Variants in ZNF132 observed in about 807,000 individuals in gnomAD.
The protein encoded by ZNF132 is zinc finger protein 132 (clone pHZ-12).
In ZNF132, 6 loss-of-function variants were observed where a neutral mutation model predicts 9.3. That is an observed-to-expected ratio of 0.65 (90% CI 0.35 to 1.28). The LOEUF (loss-of-function observed/expected upper bound fraction) is 1.28, where lower values mean the gene tolerates loss of function less well. ZNF132 is among the 50% of genes most tolerant of loss of function. The pLI is 0.03. For missense variants in ZNF132, 877 were observed against 843.2 expected (o/e 1.04, Z -0.50); for synonymous variants, 296 against 292.0 (o/e 1.01, Z -0.14).
chr19:58,434,574 G>C lies in ZNF132; in HGVS notation c.870C>G (p.Pro290=), dbSNP rs1215888600. 6.2e-7 allele frequency: 1 copy of C among 1,614,064 alleles called. No homozygotes were observed. Among genetic ancestry groups the C allele is most frequent in the Non-Finnish European group, 8.5e-7 (1 of 1,179,962 alleles). Residue 290 remains proline (P), a synonymous_variant, in exon 3 of 3, where the codon CCC becomes CCG. Transcript: ENST00000254166. ...GNKKFHTGEI[P]HVCKECGKAF... is the part of the protein sequence containing the mutation. Reference sequence around the variant, plus strand: ...CCTTCCCACACTCCTTACACACATGGGGTATTTCCCCAGTGTGAAACTTTT... The same window carrying C: ...CCTTCCCACACTCCTTACACACATGCGGTATTTCCCCAGTGTGAAACTTTT...
chr19:58,439,233 C>G (rs1235163037), intron 1 of ZNF132, among the ~76,000 whole-genome samples: 1 of 152,212 alleles, frequency 6.6e-6, no homozygotes, highest in African/African-American at 2.4e-5. Flanking sequence ...CTGTCAGCTC[C>G]TCACTGGCCT....
At chr19:58,438,126 G>C (rs1184098388) in intron 1 of ZNF132, among the ~76,000 whole-genome samples, 1 of 152,178 alleles carries the variant, frequency 6.6e-6, no homozygotes, top group Non-Finnish European at 1.5e-5. Context: ...AATGTAGTGA[G>C]CTGTAGAGAA....
rs147782363 is a variant in ZNF132 at position 58,434,736 on chromosome 19, G to C, written c.708C>G (p.Phe236Leu). ...AGGCTTTTCCACAGTTGCTGCACTCGAAGAGTTTCTGTGTGGTACAGACTT... is the reference window on the plus strand; with the variant it reads ...AGGCTTTTCCACAGTTGCTGCACTCCAAGAGTTTCTGTGTGGTACAGACTT... ...LPEVCTTQKLFECSNCGKAFL... is the reference protein window; with the variant it reads ...LPEVCTTQKLLECSNCGKAFL... Residue 236 changes from phenylalanine to leucine, a missense_variant, in exon 3 of 3, where the codon TTC becomes TTG. Physicochemically the swap from Phe to Leu is conservative, Grantham distance 22. Coordinates refer to ENST00000254166, the MANE Select transcript of ZNF132 (RefSeq NM_003433.4). The C allele has an allele frequency of 1.9e-6, 3 of 1,614,176 alleles. No homozygotes were observed. In the Admixed American group the frequency reaches 5.0e-5, roughly 27 times the overall value.
chr19:58,433,231 T>G lies in ZNF132; in HGVS notation c.*92A>C. 2 of 1,329,878 alleles carry G rather than the reference T, an allele frequency of 1.5e-6. No homozygotes were observed. Among genetic ancestry groups the G allele is most frequent in the Non-Finnish European group, 2.1e-6 (2 of 964,566 alleles). 82.4% of individuals were successfully genotyped at this position (1,329,878 alleles called of 1,614,324 possible). ...AAGGCTTTTCCACATTAGCAGTACA[T>G]GTAGGTAATTTTTCTGGTATGGGGA... On this transcript the variant is annotated 3_prime_UTR_variant, in exon 3 of 3. Transcript: ENST00000254166.
At position 58,433,818 on chromosome 19, in the gene ZNF132, A is replaced by C. The variant is rs142608335; in HGVS notation, c.1626T>G (p.Pro542=). 125 of 1,614,170 alleles carry C rather than the reference A, an allele frequency of 7.7e-5. No homozygotes were observed. In the East Asian group the frequency reaches 2.4e-3, roughly 31 times the overall value. The part of the protein sequence containing the change: ...QHWRIHTGEK[P]YECSECGKAF... ...CTTTCCCACACTCACTACACTCGTA[A>C]GGCTTTTCTCCAGTGTGAATTCTCC... Residue 542 remains proline, a synonymous_variant, in exon 3 of 3, where the codon CCT becomes CCG. Transcript: ENST00000254166.
intron 1 of ZNF132, among the ~76,000 whole-genome samples, chr19:58,437,566 C>G (rs2052780148): frequency 6.6e-6 from 1 of 152,204 alleles, no homozygotes; most frequent in Non-Finnish European, 1.5e-5. Context: ...ATTTGGGCTT[C>G]CCTTTCTTAA....
chr19:58,438,472 ATT>A (rs35691687), intron 1 of ZNF132, among the ~76,000 whole-genome samples: 22 of 129,784 alleles, frequency 1.7e-4, no homozygotes, highest in South Asian at 1.2e-3. Context: ...TCTAAGGTCA[ATT>A]TTTTTTTTTT....
chr19:58,436,396 G>A (rs2122300083), intron 2 of ZNF132: 1 of 154,320 alleles, frequency 6.5e-6, no homozygotes, highest in Non-Finnish European at 1.4e-5. Flanking sequence ...GCTGGGCGTG[G>A]TGGCTCACGC....
In ZNF132 at chr19:58,434,399, A is replaced by G. The variant is rs368159223; in HGVS notation, c.1045T>C (p.Cys349Arg). The G allele has an allele frequency of 3.7e-6, 6 of 1,614,238 alleles. No homozygotes were observed. The East Asian group carries it at 1.3e-4, about 36-fold the overall frequency. ...RIHSGERPYE[C>R]DECGKAFSNR... ...CTGAAGGCTTTCCCACATTCATCAC[A>G]CTCATAAGGTCTTTCTCCTGAGTGA... Residue 349 changes from cysteine to arginine, a missense_variant, in exon 3 of 3, where the codon TGT (cysteine) becomes CGT (arginine). Coordinates refer to ENST00000254166, the MANE Select transcript of ZNF132 (RefSeq NM_003433.4).
intron 2 of ZNF132, 154 bp from the exon 3 acceptor site, chr19:58,435,365 T>A (rs1348532488): frequency 1.2e-6 from 1 of 833,908 alleles, no homozygotes; most frequent in African/African-American, 1.7e-5. Flanking sequence ...GAAGGGCCCA[T>A]TACTATTGGC....
At chr19:58,439,671 C>T in intron 1 of ZNF132, 88 bp downstream of exon 1, 1 of 1,386,496 alleles carries the variant, frequency 7.2e-7, no homozygotes, top group Non-Finnish European at 9.6e-7. Flanking sequence ...TCAAGAGTCC[C>T]AGGACACCAA....
intron 2 of ZNF132, among the ~76,000 whole-genome samples, chr19:58,436,687 A>G (rs1202816578): frequency 6.6e-6 from 1 of 151,202 alleles, no homozygotes; most frequent in Admixed American, 6.6e-5. Flanking sequence ...AAAAAAAAAA[A>G]AAAAAGGAAA....
rs1185268379 is a variant in ZNF132 at position 58,434,021 on chromosome 19, G to A, written c.1423C>T (p.Leu475Phe). The A allele has an allele frequency of 6.2e-7, 1 of 1,613,728 alleles. No homozygotes were observed. ...CCAGTGTGAACTTTCTGATGTCGAA[G>A]GAGATGGGAGCTTTGGCTGAAGTCT... ...GRDFSQSSHLLRHQKVHTGER... is the reference protein window; with the variant it reads ...GRDFSQSSHLFRHQKVHTGER... Residue 475 changes from leucine (L) to phenylalanine (F), a missense_variant, in exon 3 of 3, where the codon CTT becomes TTT. Transcript: ENST00000254166.
rs1233031775 is a variant in ZNF132, at chr19:58,434,251, G to T, written c.1193C>A (p.Thr398Lys). Residue 398 changes from threonine (T) to lysine (K), a missense_variant, in exon 3 of 3, where the codon ACA becomes AAA. By Grantham distance (78) the Thr-to-Lys change is moderately conservative. Coordinates refer to ENST00000254166, the MANE Select transcript of ZNF132 (RefSeq NM_003433.4). ...SNFLRHQKVH[T>K]QVRPYECSQC... ...ACTGCACTCATAAGGTCTTACCTGT[G>T]TGTGAACTTTCTGATGCCGAAGGAA... is the stretch of plus-strand genomic sequence containing the variant. 6 of 1,614,056 alleles carry T rather than the reference G, an allele frequency of 3.7e-6. No individual in the cohort carries two copies. Among genetic ancestry groups the T allele is most frequent in the South Asian group, 1.1e-5 (1 of 91,082 alleles).
chr19:58,434,777 G>A lies in ZNF132; in HGVS notation c.667C>T (p.Leu223Phe), dbSNP rs530739078. 1 of 1,614,132 alleles carries A rather than the reference G, an allele frequency of 6.2e-7. No homozygotes were observed. Among genetic ancestry groups the A allele is most frequent in the Non-Finnish European group, 8.5e-7 (1 of 1,180,052 alleles). ...VDSGQKPYSN[L>F]GQLPEVCTTQ... Reference sequence around the variant, plus strand: ...GTACAGACTTCTGGAAGCTGCCCAAGATTGGAATATGGCTTCTGCCCACTG... The same window carrying A: ...GTACAGACTTCTGGAAGCTGCCCAAAATTGGAATATGGCTTCTGCCCACTG... The change falls in exon 3 of 3, where the codon CTT becomes TTT. Residue 223 changes from leucine to phenylalanine, a missense_variant. Physicochemically the swap from Leu to Phe is conservative, Grantham distance 22. Transcript: ENST00000254166.
chr19:58,434,081 C>G lies in ZNF132; in HGVS notation c.1363G>C (p.Gly455Arg). The change falls in exon 3 of 3, where the codon GGA becomes CGA. Residue 455 changes from glycine (G) to arginine (R), a missense_variant. Gly to Arg is a moderately radical substitution (Grantham distance 125). Transcript: ENST00000254166. Reference sequence around the variant, plus strand: ...TCACTGCACTCAAAAGGCCGTTCTCCGGTGTGAACTTTCTGGTGCTGAGCA... The same window carrying G: ...TCACTGCACTCAAAAGGCCGTTCTCGGGTGTGAACTTTCTGGTGCTGAGCA... Reference protein sequence around the residue: ...NLAQHQKVHTGERPFECSECG... With the variant: ...NLAQHQKVHTRERPFECSECG... 1 of 1,614,008 alleles carries G rather than the reference C, an allele frequency of 6.2e-7. No homozygotes were observed.
At position 58,434,261 on chromosome 19, in the gene ZNF132, T is replaced by C. The variant is rs752898644; in HGVS notation, c.1183A>G (p.Lys395Glu). The C allele has an allele frequency of 6.2e-7, 1 of 1,614,174 alleles. No homozygotes were observed. The highest frequency in any genetic ancestry group is 1.1e-5 in the South Asian group (1 of 91,088). ...SQSSNFLRHQKVHTQVRPYEC... is the reference protein window; with the variant it reads ...SQSSNFLRHQEVHTQVRPYEC... Reference sequence around the variant, plus strand: ...TAAGGTCTTACCTGTGTGTGAACTTTCTGATGCCGAAGGAAATTGGAGCTT... The same window carrying C: ...TAAGGTCTTACCTGTGTGTGAACTTCCTGATGCCGAAGGAAATTGGAGCTT... Residue 395 changes from lysine to glutamate, a missense_variant, in exon 3 of 3, where the codon AAA becomes GAA. Transcript: ENST00000254166.
chr19:58,435,382 G>A, intron 2 of ZNF132, 171 bp from the exon 3 acceptor site: 1 of 729,396 alleles, frequency 1.4e-6, no homozygotes, highest in Admixed American at 3.0e-5. Context: ...TGGCAGGATA[G>A]GGACCAGCCA....
chr19:58,435,314 A>G (rs978785805), intron 2 of ZNF132, 103 bp from the exon 3 acceptor site: 43 of 1,361,984 alleles, frequency 3.2e-5, no homozygotes, highest in African/African-American at 5.8e-5. Context: ...AAGAGGTCCC[A>G]GGGATTGCTG....
Sources: allele counts gnomAD v4.1 joint callset (sites outside exome capture counted in the v4.1 genomes callset), GRCh38; gene constraint gnomAD v4.1.1; transcripts MANE v1.5; gene names NCBI Gene and HGNC (gene_info 2026-07-23, HGNC 2026-07-21).